The following TNS3 variants were observed in gnomAD, a reference collection of about 807,000 sequenced individuals.
TNS3 encodes tensin 3, also known as tensin-3.
Under a neutral mutation model 140.9 loss-of-function variants are expected in TNS3, and 45 were observed. That is an observed-to-expected ratio of 0.32 (90% CI 0.25 to 0.41). TNS3 has a LOEUF of 0.41. TNS3 is among the 10% of genes least tolerant of loss of function. The pLI is 1.00. For synonymous variants in TNS3, 815 were observed against 788.4 expected (o/e 1.03, Z -0.56); for missense variants, 1,716 against 1,906.7 (o/e 0.90, Z 1.86).
intron 4 of TNS3, among the ~76,000 whole-genome samples, chr7:47,470,950 G>T (rs11770952): frequency 0.46 from 68,350 of 147,672 alleles, 16,904 homozygotes; most frequent in East Asian, 0.66. Flanking sequence ...TTTGTTTTTT[G>T]TTTTTTTTTA....
At chr7:47,520,285 T>C (rs1173845020) in intron 2 of TNS3, among the ~76,000 whole-genome samples, 2 of 152,154 alleles carry the variant, frequency 1.3e-5, no homozygotes, top group Non-Finnish European at 2.9e-5. Context: ...TAGGCAGACC[T>C]TGAACACCCA....
At chr7:47,442,792 C>T (rs73095112) in intron 4 of TNS3, among the ~76,000 whole-genome samples, 554 of 152,254 alleles carry the variant, frequency 3.6e-3, no homozygotes, top group Non-Finnish European at 5.5e-3. Flanking sequence ...CAGAGACCCC[C>T]GAGTTGGGGG....
At chr7:47,405,481 G>T in intron 13 of TNS3, 2 of 702,656 alleles carry the variant, frequency 2.8e-6, no homozygotes, top group Non-Finnish European at 2.6e-6. Context: ...CTTAAGTCAG[G>T]CAGGGCCAAC....
intron 1 of TNS3, among the ~76,000 whole-genome samples, chr7:47,577,179 G>A (rs967495953): frequency 5.9e-5 from 9 of 152,308 alleles, no homozygotes; most frequent in African/African-American, 1.4e-4. Flanking sequence ...CAGGGCACCC[G>A]TATTCATCCT....
At chr7:47,374,319 C>T (rs1231634512) in intron 16 of TNS3, among the ~76,000 whole-genome samples, 1 of 152,154 alleles carries the variant, frequency 6.6e-6, no homozygotes, top group Non-Finnish European at 1.5e-5. Flanking sequence ...ATGCTATCTG[C>T]CATTTCCAGT....
At chr7:47,568,856 G>A (rs766946255) in intron 1 of TNS3, among the ~76,000 whole-genome samples, 1 of 152,240 alleles carries the variant, frequency 6.6e-6, no homozygotes, top group South Asian at 2.1e-4. Flanking sequence ...GAAGTGGGCC[G>A]CAGCCTCTTT....
At chr7:47,315,333 G>A (rs6964772) in intron 20 of TNS3, among the ~76,000 whole-genome samples, 39,367 of 152,174 alleles carry the variant, frequency 0.26, 5,662 homozygotes, top group South Asian at 0.34. Flanking sequence ...TGAGGTGGCC[G>A]GGAAGGCTGC....
intron 5 of TNS3, among the ~76,000 whole-genome samples, chr7:47,441,700 G>A (rs928806002): frequency 2.6e-5 from 4 of 152,144 alleles, no homozygotes; most frequent in Non-Finnish European, 5.9e-5. Flanking sequence ...CTCTAAAGGG[G>A]CTCTTGCCAG....
At chr7:47,398,862 T>C (rs1452344222) in intron 15 of TNS3, among the ~76,000 whole-genome samples, 1 of 151,938 alleles carries the variant, frequency 6.6e-6, no homozygotes, top group Non-Finnish European at 1.5e-5. Flanking sequence ...GGCACCTAAA[T>C]CGGAAAAGAG....
chr7:47,546,298 C>T (rs750325680), intron 1 of TNS3, among the ~76,000 whole-genome samples: 1 of 152,192 alleles, frequency 6.6e-6, no homozygotes, highest in Non-Finnish European at 1.5e-5. Context: ...ACGTGGCGTC[C>T]ACGTCCGGCA....
chr7:47,410,619 G>A (rs1013592727), intron 13 of TNS3, among the ~76,000 whole-genome samples: 2 of 152,164 alleles, frequency 1.3e-5, no homozygotes, highest in Admixed American at 1.3e-4. Context: ...AGCAAGGTAG[G>A]GAGTTCACCA....
chr7:47,327,704 GTTTTGTCCCAAAGCC>G (rs1788100627), intron 20 of TNS3, among the ~76,000 whole-genome samples: 1 of 152,212 alleles, frequency 6.6e-6, no homozygotes, highest in Admixed American at 6.5e-5. Flanking sequence ...GGGCTGGGGC[GTTTTGTCCCAAAGCC>G]TTGGCGACTT....
At chr7:47,474,371 C>A (rs1797087466) in intron 4 of TNS3, among the ~76,000 whole-genome samples, 1 of 150,634 alleles carries the variant, frequency 6.6e-6, no homozygotes, top group African/African-American at 2.4e-5. Context: ...AAACACTTCA[C>A]ACACAACACA....
At chr7:47,382,947 G>C (rs1040098187) in intron 16 of TNS3, among the ~76,000 whole-genome samples, 1 of 152,178 alleles carries the variant, frequency 6.6e-6, no homozygotes, top group East Asian at 1.9e-4. Flanking sequence ...CGGGACAGGA[G>C]GTTGGCAGTA....
chr7:47,532,909 T>C (rs1799458502), intron 1 of TNS3, among the ~76,000 whole-genome samples: 1 of 151,570 alleles, frequency 6.6e-6, no homozygotes, highest in Admixed American at 6.6e-5. Flanking sequence ...ACAAGAGAGA[T>C]AAAATGAAAT....
chr7:47,377,360 C>A (rs1791457172), intron 16 of TNS3, among the ~76,000 whole-genome samples: 1 of 152,136 alleles, frequency 6.6e-6, no homozygotes, highest in African/African-American at 2.4e-5. Flanking sequence ...ACTCAAAGGG[C>A]TCGACTGTAC....
chr7:47,453,551 A>G (rs997757108), intron 4 of TNS3, among the ~76,000 whole-genome samples: 1 of 152,182 alleles, frequency 6.6e-6, no homozygotes, highest in Non-Finnish European at 1.5e-5. Flanking sequence ...ACTTCATTCC[A>G]AATAGAATTT....
intron 15 of TNS3, among the ~76,000 whole-genome samples, chr7:47,397,168 T>C (rs1792883234): frequency 2.0e-5 from 3 of 152,192 alleles, no homozygotes; most frequent in African/African-American, 7.2e-5. Flanking sequence ...TGGACACTTC[T>C]GCAAAACGAG....
At chr7:47,460,808 A>C (rs1449230194) in intron 4 of TNS3, among the ~76,000 whole-genome samples, 3 of 152,224 alleles carry the variant, frequency 2.0e-5, no homozygotes, top group African/African-American at 7.2e-5. Flanking sequence ...TGGGCATGCC[A>C]AAATATTGAA....
Sources: allele counts gnomAD v4.1 joint callset (sites outside exome capture counted in the v4.1 genomes callset), GRCh38; gene constraint gnomAD v4.1.1; transcripts MANE v1.5; gene names NCBI Gene and HGNC (gene_info 2026-07-23, HGNC 2026-07-21).